Variants in GRIA1 observed in about 807,000 individuals in gnomAD.
The protein encoded by GRIA1 is glutamate receptor 1.
A neutral mutation model predicts 99.2 loss-of-function variants in GRIA1; 31 were observed. The ratio of observed to expected loss-of-function variants is 0.31; its 90% CI spans 0.23 to 0.42. The LOEUF is 0.42. Among genes scored for constraint, GRIA1 ranks in the 10% least tolerant of loss-of-function variants. GRIA1 has a pLI of 1.00. For missense variants in GRIA1, 782 were observed against 1,157.5 expected (o/e 0.68, Z 4.71); for synonymous variants, 438 against 432.4 (o/e 1.01, Z -0.16).
At chr5:153,719,260 G>A (rs976026207) in intron 11 of GRIA1, among the ~76,000 whole-genome samples, 1 of 152,036 alleles carries the variant, frequency 6.6e-6, no homozygotes, top group Admixed American at 6.6e-5. Flanking sequence ...AGGTTTTCGT[G>A]TCAGAGCCTC....
At position 153,598,954 on chromosome 5, in the gene GRIA1, T is replaced by C. The variant is rs202089727; in HGVS notation, c.221-47974T>C. Among the ~76,000 whole-genome samples the C allele has an allele frequency of 1.7e-3, 264 of 152,326 alleles. 1 individual carries two copies. Among genetic ancestry groups the C allele is most frequent in the East Asian group, 0.015 (76 of 5,174 alleles). ...TGGAGTACAGTGGCACAATCTCGGC[T>C]CACCGCAAGCTCCACCTCCCAGGTT... On this transcript the variant is annotated intron_variant, in intron 2 of 15. Coordinates refer to ENST00000285900, the MANE Select transcript of GRIA1 (RefSeq NM_000827.4).
intron 2 of GRIA1, among the ~76,000 whole-genome samples, chr5:153,607,715 A>G (rs933341072): frequency 1.3e-5 from 2 of 151,966 alleles, no homozygotes; most frequent in Admixed American, 1.3e-4. Flanking sequence ...TTGAATACTT[A>G]GTTTTATTTA....
intron 11 of GRIA1, among the ~76,000 whole-genome samples, chr5:153,742,597 T>G (rs1183802450): frequency 6.6e-6 from 1 of 152,214 alleles, no homozygotes; most frequent in East Asian, 1.9e-4. Context: ...ATCCACTTCC[T>G]GTGTTTGTGA....
At chr5:153,801,957 G>GA (rs1280444009) in intron 14 of GRIA1, among the ~76,000 whole-genome samples, 1 of 145,594 alleles carries the variant, frequency 6.9e-6, no homozygotes. Flanking sequence ...TGGGGCGGGG[G>GA]GGGGCGGGGG....
At chr5:153,763,685 G>T (rs1190585729) in intron 11 of GRIA1, among the ~76,000 whole-genome samples, 1 of 152,218 alleles carries the variant, frequency 6.6e-6, no homozygotes, top group African/African-American at 2.4e-5. Context: ...GGAACTCTCG[G>T]CTGGTTATGT....
Position 153,813,332 on chromosome 5 carries a change from A to G in GRIA1, c.*2107A>G, listed in dbSNP as rs1766951791. The stretch of plus-strand genomic sequence containing the variant: ...CTGCATCTTGGAAGAGTTGGAAATA[A>G]CCCTTTAACATCAACATGCTTCAAA... On this transcript the variant is annotated 3_prime_UTR_variant, in exon 16 of 16. Coordinates refer to ENST00000285900, the MANE Select transcript of GRIA1 (RefSeq NM_000827.4). 1.3e-5 allele frequency: 2 copies of G among 152,140 alleles called. No individual in the cohort carries two copies. Among genetic ancestry groups the G allele is most frequent in the Non-Finnish European group, 2.9e-5 (2 of 68,044 alleles). The allele number at this position is 152,140 out of a possible 1,614,324, so 9.4% of individuals were successfully genotyped here.
intron 7 of GRIA1, among the ~76,000 whole-genome samples, chr5:153,679,167 G>T (rs542809049): frequency 6.6e-6 from 1 of 152,294 alleles, no homozygotes; most frequent in East Asian, 1.9e-4. Context: ...GATCTATGGT[G>T]TGCCCTGGCT....
chr5:153,806,774 A>G (rs1437520190), intron 15 of GRIA1, among the ~76,000 whole-genome samples: 1 of 152,252 alleles, frequency 6.6e-6, no homozygotes, highest in Non-Finnish European at 1.5e-5. Context: ...TTATGTTCAA[A>G]GTGATTTCTA....
chr5:153,734,640 A>T (rs1364109198), intron 11 of GRIA1, among the ~76,000 whole-genome samples: 1 of 152,150 alleles, frequency 6.6e-6, no homozygotes, highest in Non-Finnish European at 1.5e-5. Context: ...ATGTATTGTG[A>T]TTTGCACTAT....
chr5:153,506,323 GTGTGTGTGT>G (rs1755496838), intron 2 of GRIA1, among the ~76,000 whole-genome samples: 1 of 74,682 alleles, frequency 1.3e-5, no homozygotes, highest in African/African-American at 3.7e-5. Context: ...AAGGGTGTGT[GTGTGTGTGT>G]GTGTGTGTGT....
intron 2 of GRIA1, among the ~76,000 whole-genome samples, chr5:153,528,331 G>T (rs929345677): frequency 1.3e-5 from 2 of 152,020 alleles, no homozygotes; most frequent in Non-Finnish European, 2.9e-5. Flanking sequence ...TGGTGTTTGG[G>T]ATTGTGTCTT....
intron 2 of GRIA1, among the ~76,000 whole-genome samples, chr5:153,642,061 A>G (rs564292530): frequency 2.0e-5 from 3 of 152,366 alleles, no homozygotes; most frequent in Non-Finnish European, 2.9e-5. Context: ...GGGATGAGAC[A>G]GGAATACATC....
intron 5 of GRIA1, among the ~76,000 whole-genome samples, chr5:153,656,386 T>A (rs1016303454): frequency 1.6e-4 from 8 of 49,218 alleles, no homozygotes; most frequent in Non-Finnish European, 2.1e-4. Context: ...AGTTTGTTTA[T>A]ATATATATAT....
chr5:153,679,724 C>G (rs979115127), intron 7 of GRIA1, among the ~76,000 whole-genome samples: 1 of 152,184 alleles, frequency 6.6e-6, no homozygotes, highest in African/African-American at 2.4e-5. Flanking sequence ...AAACCTGAGG[C>G]TTGGAGGCTC....
chr5:153,738,720 C>CTTTTTTTTTTTTTTTTTTT (rs55874747), intron 11 of GRIA1, among the ~76,000 whole-genome samples: 4 of 102,354 alleles, frequency 3.9e-5, no homozygotes, highest in African/African-American at 4.0e-5. Flanking sequence ...TCCATACCTT[C>CTTTTTTTTTTTTTTTTTTT]TTTTTTTTTT....
rs1437444606 is a variant in GRIA1 at position 153,650,449 on chromosome 5, A to G, written c.580A>G (p.Lys194Glu). Residue 194 changes from lysine to glutamate, a missense_variant, in exon 4 of 16, where the codon AAG (lysine) becomes GAG (glutamate). Physicochemically the swap from Lys to Glu is moderately conservative, Grantham distance 56. Transcript: ENST00000285900. ...CCGGATGCTCTTTCAGGACCTGGAG[A>G]AGAAAAAGGAGCGGCTGGTGGTGGT... ...GYRMLFQDLE[K>E]KKERLVVVDC... 2 of 1,613,882 alleles carry G rather than the reference A, an allele frequency of 1.2e-6. No homozygotes were observed. Among genetic ancestry groups the G allele is most frequent in the Admixed American group, 3.3e-5 (2 of 59,976 alleles).
intron 11 of GRIA1, among the ~76,000 whole-genome samples, chr5:153,717,170 A>G (rs776682040): frequency 6.6e-6 from 1 of 152,200 alleles, no homozygotes. Flanking sequence ...GGAACTAGGG[A>G]AATGTATAAC....
At chr5:153,740,006 G>T (rs1352191691) in intron 11 of GRIA1, among the ~76,000 whole-genome samples, 5 of 152,174 alleles carry the variant, frequency 3.3e-5, no homozygotes, top group Non-Finnish European at 1.5e-5. Flanking sequence ...TAAAATATAT[G>T]CTGATTGCTA....
intron 2 of GRIA1, among the ~76,000 whole-genome samples, chr5:153,585,845 C>T (rs1763437991): frequency 6.6e-6 from 1 of 152,076 alleles, no homozygotes; most frequent in Admixed American, 6.5e-5. Context: ...GTGACTATCG[C>T]TATCATAAGA....
Sources: allele counts gnomAD v4.1 joint callset (sites outside exome capture counted in the v4.1 genomes callset), GRCh38; gene constraint gnomAD v4.1.1; transcripts MANE v1.5; gene names NCBI Gene and HGNC (gene_info 2026-07-23, HGNC 2026-07-21).